GABRB1: variants seen among roughly 807,000 people sequenced by gnomAD.
The protein encoded by GABRB1 is gamma-aminobutyric acid receptor subunit beta-1.
GABRB1 carries 17 observed loss-of-function variants against 51.6 expected under a neutral mutation model. The observed-to-expected ratio is 0.33, with a 90% CI of 0.23 to 0.49. GABRB1 has a LOEUF of 0.49. Ranked by LOEUF, GABRB1 falls within the 20% of genes least tolerant of loss-of-function variation. GABRB1 has a pLI of 0.99. For missense variants in GABRB1, 410 were observed against 600.6 expected, an observed-to-expected ratio of 0.68 and a Z score of 3.32; for synonymous variants, 247 against 218.9, an observed-to-expected ratio of 1.13 and a Z score of -1.14.
At chr4:47,092,022 C>T (rs915128205) in intron 3 of GABRB1, among the ~76,000 whole-genome samples, 2 of 152,134 alleles carry the variant, frequency 1.3e-5, no homozygotes, top group African/African-American at 2.4e-5. Flanking sequence ...GTATCTCCCC[C>T]TAATCTTTCA....
chr4:47,207,917 C>T (rs2109806033), intron 4 of GABRB1, among the ~76,000 whole-genome samples: 1 of 152,142 alleles, frequency 6.6e-6, no homozygotes, highest in Middle Eastern at 3.4e-3. Context: ...GTTATTACTG[C>T]CTATAACTTC....
intron 4 of GABRB1, among the ~76,000 whole-genome samples, chr4:47,260,871 C>T (rs1475118765): frequency 2.0e-5 from 3 of 152,094 alleles, no homozygotes; most frequent in Admixed American, 6.6e-5. Context: ...GGGCTTCATC[C>T]CTGGGATGCA....
chr4:47,206,046 T>G (rs995025547), intron 4 of GABRB1, among the ~76,000 whole-genome samples: 1 of 148,522 alleles, frequency 6.7e-6, no homozygotes, highest in Non-Finnish European at 1.5e-5. Context: ...GAGCCATAGG[T>G]TCACAGGATT....
At chr4:47,315,390 G>C (rs969758818) in intron 4 of GABRB1, among the ~76,000 whole-genome samples, 2 of 151,954 alleles carry the variant, frequency 1.3e-5, no homozygotes, top group African/African-American at 4.8e-5. Context: ...TGAGATGCTG[G>C]TAAGGTTGCA....
intron 5 of GABRB1, among the ~76,000 whole-genome samples, chr4:47,364,329 CT>C (rs1305692641): frequency 1.3e-5 from 2 of 152,032 alleles, no homozygotes; most frequent in African/African-American, 4.8e-5. Context: ...TGCCAAGCTT[CT>C]TGCCTTTTTG....
intron 8 of GABRB1, among the ~76,000 whole-genome samples, chr4:47,424,549 C>T (rs75730086): frequency 0.027 from 4,056 of 152,250 alleles, 184 homozygotes; most frequent in African/African-American, 0.093. Context: ...CTTCACTAGG[C>T]TCTTTTGCCT....
intron 5 of GABRB1, among the ~76,000 whole-genome samples, chr4:47,358,100 A>G (rs1299493202): frequency 2.0e-5 from 3 of 152,132 alleles, no homozygotes; most frequent in Admixed American, 2.0e-4. Flanking sequence ...GCTTAAAGAC[A>G]CATTCCTAGA....
At chr4:47,084,605 A>G (rs1359102699) in intron 3 of GABRB1, among the ~76,000 whole-genome samples, 1 of 152,212 alleles carries the variant, frequency 6.6e-6, no homozygotes, top group Admixed American at 6.5e-5. Flanking sequence ...AGCACTTGGC[A>G]CAAAATAGTT....
intron 4 of GABRB1, among the ~76,000 whole-genome samples, chr4:47,190,800 C>T (rs1018844601): frequency 5.3e-5 from 8 of 152,030 alleles, no homozygotes; most frequent in African/African-American, 1.9e-4. Flanking sequence ...TTGGGTGGGG[C>T]CTGAGATCGT....
chr4:47,277,143 G>A (rs1291332000), intron 4 of GABRB1, among the ~76,000 whole-genome samples: 2 of 152,064 alleles, frequency 1.3e-5, no homozygotes, highest in Non-Finnish European at 2.9e-5. Context: ...CTTGAGACTT[G>A]TAACCAATAA....
At chr4:47,131,028 T>G (rs1457656992) in intron 3 of GABRB1, among the ~76,000 whole-genome samples, 2 of 152,160 alleles carry the variant, frequency 1.3e-5, no homozygotes, top group Non-Finnish European at 2.9e-5. Flanking sequence ...CATCTCTAAA[T>G]ATAACACACT....
intron 3 of GABRB1, among the ~76,000 whole-genome samples, chr4:47,123,890 T>C (rs1327272309): frequency 4.8e-5 from 4 of 82,880 alleles, no homozygotes; most frequent in African/African-American, 8.3e-5. Context: ...ATAATATATA[T>C]AATATATAAT....
At chr4:47,048,605 G>T (rs1021766712) in intron 3 of GABRB1, among the ~76,000 whole-genome samples, 1 of 152,130 alleles carries the variant, frequency 6.6e-6, no homozygotes, top group African/African-American at 2.4e-5. Context: ...AGAAATAGTG[G>T]TTAAAATGTA....
chr4:47,375,174 T>C (rs544351101), intron 5 of GABRB1, among the ~76,000 whole-genome samples: 33 of 152,312 alleles, frequency 2.2e-4, no homozygotes, highest in Admixed American at 1.3e-3. Flanking sequence ...GTTTAAAAAT[T>C]ACTGTTATAG....
At chr4:47,133,769 G>A (rs553664102) in intron 3 of GABRB1, among the ~76,000 whole-genome samples, 2 of 152,312 alleles carry the variant, frequency 1.3e-5, no homozygotes, top group South Asian at 2.1e-4. Flanking sequence ...GGTACATGAT[G>A]TCAGATGTCC....
At chr4:46,999,797 A>G (rs1163277197) in intron 1 of GABRB1, among the ~76,000 whole-genome samples, 1 of 152,222 alleles carries the variant, frequency 6.6e-6, no homozygotes. Flanking sequence ...CTTTGCAGAG[A>G]ACAGACATGC....
At chr4:47,232,143 T>A (rs565003066) in intron 4 of GABRB1, among the ~76,000 whole-genome samples, 2 of 152,142 alleles carry the variant, frequency 1.3e-5, no homozygotes, top group Non-Finnish European at 2.9e-5. Context: ...CCTGGTGCTT[T>A]TAATAAGTTT....
chr4:47,269,301 T>G (rs560764457), intron 4 of GABRB1, among the ~76,000 whole-genome samples: 2 of 152,362 alleles, frequency 1.3e-5, no homozygotes, highest in Admixed American at 6.5e-5. Flanking sequence ...ACAGCACTTT[T>G]CATTATGCAC....
At chr4:47,304,586 T>C (rs1265013582) in intron 4 of GABRB1, among the ~76,000 whole-genome samples, 1 of 152,042 alleles carries the variant, frequency 6.6e-6, no homozygotes, top group Admixed American at 6.6e-5. Flanking sequence ...GGCTGTCTAT[T>C]ATCTCTGTTG....
Sources: gnomAD v4.1 joint callset for allele counts (sites outside exome capture counted in the v4.1 genomes callset) on GRCh38, gnomAD v4.1.1 for gene constraint, MANE v1.5 for transcripts, NCBI Gene and HGNC (gene_info 2026-07-23, HGNC 2026-07-21) for gene names.